Variants in KCND2 observed in about 807,000 individuals in gnomAD.
KCND2 encodes A-type voltage-gated potassium channel KCND2.
A neutral mutation model predicts 54.4 loss-of-function variants in KCND2; 16 were observed. The ratio of observed to expected loss-of-function variants is 0.29; its 90% CI spans 0.20 to 0.45. KCND2 has a LOEUF of 0.45. KCND2 is among the 20% of genes least tolerant of loss of function. KCND2 has a pLI of 1.00. For synonymous variants in KCND2, 317 were observed against 310.7 expected (o/e 1.02, Z -0.21); for missense variants, 486 against 824.2 (o/e 0.59, Z 5.02).
intron 1 of KCND2, among the ~76,000 whole-genome samples, chr7:120,627,992 T>C (rs1793183509): frequency 6.6e-6 from 1 of 152,158 alleles, no homozygotes; most frequent in African/African-American, 2.4e-5. Context: ...CAATAATTAG[T>C]AATTTTTTAA....
chr7:120,653,980 T>C (rs531811197), intron 1 of KCND2, among the ~76,000 whole-genome samples: 1 of 152,348 alleles, frequency 6.6e-6, no homozygotes, highest in African/African-American at 2.4e-5. Context: ...GAGCGTTTTC[T>C]CTCTACCCAG....
chr7:120,501,681 T>C (rs1016492865), intron 1 of KCND2, among the ~76,000 whole-genome samples: 1 of 152,156 alleles, frequency 6.6e-6, no homozygotes, highest in Admixed American at 6.6e-5. Flanking sequence ...GCCTGGGAAC[T>C]GCAGATATGC....
intron 1 of KCND2, among the ~76,000 whole-genome samples, chr7:120,297,432 C>A (rs1052076222): frequency 6.6e-6 from 1 of 151,944 alleles, no homozygotes; most frequent in Non-Finnish European, 1.5e-5. Flanking sequence ...TGTACCTATA[C>A]CACATTTTCT....
chr7:120,663,353 A>G (rs1053235676), intron 1 of KCND2, among the ~76,000 whole-genome samples: 1 of 152,160 alleles, frequency 6.6e-6, no homozygotes, highest in African/African-American at 2.4e-5. Context: ...AATGATTTTT[A>G]TGCCTCCCAC....
chr7:120,325,141 C>A (rs1799955602), intron 1 of KCND2, among the ~76,000 whole-genome samples: 1 of 145,874 alleles, frequency 6.9e-6, no homozygotes, highest in Admixed American at 7.0e-5. Context: ...GATTTTTGCA[C>A]ATTGATTTTG....
rs1792721590 is a variant in KCND2, at chr7:120,595,139, C to A, written c.1116-137764C>A. ...CTTCCATCCCAAGCATCACATGCAT[C>A]CATCTCAGTTCTACTAAAATCCATA... is the stretch of plus-strand genomic sequence containing the variant. On this transcript the variant is annotated intron_variant, in intron 1 of 5. Coordinates refer to ENST00000331113, the MANE Select transcript of KCND2 (RefSeq NM_012281.3). Among the ~76,000 whole-genome samples, 7 of 152,106 alleles carry A rather than the reference C, an allele frequency of 4.6e-5. No individual in the cohort carries two copies. The South Asian group carries it at 1.5e-3, about 32-fold the overall frequency.
At chr7:120,654,011 G>C (rs528078869) in intron 1 of KCND2, among the ~76,000 whole-genome samples, 1 of 152,134 alleles carries the variant, frequency 6.6e-6, no homozygotes, top group Non-Finnish European at 1.5e-5. Flanking sequence ...TGACTTAAAT[G>C]CCTTCAGAAC....
intron 1 of KCND2, among the ~76,000 whole-genome samples, chr7:120,695,863 T>C (rs911912172): frequency 6.6e-6 from 1 of 152,222 alleles, no homozygotes; most frequent in African/African-American, 2.4e-5. Flanking sequence ...GGAAGTTGAT[T>C]GACCACTGAG....
intron 1 of KCND2, among the ~76,000 whole-genome samples, chr7:120,406,573 AAC>A (rs1289735356): frequency 3.9e-5 from 6 of 152,062 alleles, no homozygotes; most frequent in African/African-American, 1.2e-4. Context: ...AGAAATATGT[AAC>A]ACAGCAATAG....
At chr7:120,567,329 G>T (rs2116420505) in intron 1 of KCND2, among the ~76,000 whole-genome samples, 1 of 152,008 alleles carries the variant, frequency 6.6e-6, no homozygotes, top group Non-Finnish European at 1.5e-5. Context: ...ATCTCAGTAG[G>T]GATGGTATTC....
intron 1 of KCND2, among the ~76,000 whole-genome samples, chr7:120,497,122 C>A (rs1302913577): frequency 1.3e-5 from 2 of 152,158 alleles, no homozygotes; most frequent in East Asian, 1.9e-4. Flanking sequence ...AGTAATTAAT[C>A]ATTTCCTTTT....
At chr7:120,567,140 A>C (rs1338585361) in intron 1 of KCND2, among the ~76,000 whole-genome samples, 1 of 152,186 alleles carries the variant, frequency 6.6e-6, no homozygotes, top group African/African-American at 2.4e-5. Context: ...ATCAACGTTC[A>C]AGGATCATTG....
Position 120,274,683 on chromosome 7 carries a change from C to G in KCND2, c.51C>G (p.Ile17Met), listed in dbSNP as rs751910698. Residue 17 changes from isoleucine (I) to methionine (M), a missense_variant, in exon 1 of 6, where the codon ATC (isoleucine) becomes ATG (methionine). This residue lies in a region of KCND2 where 231 missense variants were observed against 386.0 expected (regional missense o/e 0.60). Coordinates refer to ENST00000331113, the MANE Select transcript of KCND2 (RefSeq NM_012281.3). ...TGCCTTTTGCAAGGGCAGCGGCTAT[C>G]GGGTGGATGCCTGTGGCCTCGGGGC... ...AWLPFARAAA[I>M]GWMPVASGPM... is the part of the protein sequence containing the mutation. The G allele has an allele frequency of 1.7e-5, 28 of 1,614,002 alleles. No homozygotes were observed. The East Asian group carries it at 5.6e-4, about 32-fold the overall frequency.
At chr7:120,311,861 C>T (rs1157433782) in intron 1 of KCND2, among the ~76,000 whole-genome samples, 3 of 152,066 alleles carry the variant, frequency 2.0e-5, no homozygotes, top group African/African-American at 7.2e-5. Flanking sequence ...AGGATAATGG[C>T]CTCTAGCTCC....
chr7:120,525,829 C>A (rs1490549103), intron 1 of KCND2, among the ~76,000 whole-genome samples: 2 of 152,140 alleles, frequency 1.3e-5, no homozygotes, highest in East Asian at 3.9e-4. Context: ...ACTGAGACTT[C>A]TTATGTTTGT....
intron 1 of KCND2, among the ~76,000 whole-genome samples, chr7:120,580,671 GTTTTA>G (rs1309931124): frequency 6.6e-6 from 1 of 151,996 alleles, no homozygotes; most frequent in East Asian, 1.9e-4. Context: ...GAAAGATATG[GTTTTA>G]TTTTATCTTG....
intron 1 of KCND2, among the ~76,000 whole-genome samples, chr7:120,311,388 A>G (rs550238907): frequency 6.6e-6 from 1 of 152,346 alleles, no homozygotes; most frequent in South Asian, 2.1e-4. Flanking sequence ...TTTCATTACA[A>G]TGATAGTAAG....
chr7:120,651,920 C>T (rs1438260970), intron 1 of KCND2, among the ~76,000 whole-genome samples: 3 of 152,150 alleles, frequency 2.0e-5, no homozygotes, highest in Admixed American at 2.0e-4. Flanking sequence ...CCAGTATACA[C>T]ATGATTTTGC....
chr7:120,542,660 A>G (rs747669596), intron 1 of KCND2, among the ~76,000 whole-genome samples: 1 of 152,128 alleles, frequency 6.6e-6, no homozygotes, highest in Non-Finnish European at 1.5e-5. Flanking sequence ...CCCTCAGGGA[A>G]CCAATTGAAT....
Sources: allele counts gnomAD v4.1 joint callset (sites outside exome capture counted in the v4.1 genomes callset), GRCh38; gene constraint gnomAD v4.1.1; regional missense constraint gnomAD v4.1.1; transcripts MANE v1.5; gene names NCBI Gene and HGNC (gene_info 2026-07-23, HGNC 2026-07-21).